JAKMIP2: variants seen among roughly 807,000 people sequenced by gnomAD.
JAKMIP2 encodes janus kinase and microtubule interacting protein 2.
Under a neutral mutation model 115.0 loss-of-function variants are expected in JAKMIP2, and 25 were observed. The observed-to-expected ratio is 0.22, with a 90% CI of 0.16 to 0.30. The LOEUF is 0.30. JAKMIP2 is among the 10% of genes least tolerant of loss of function. The probability of loss-of-function intolerance (pLI) is 1.00; values close to 1 mark genes in which losing one functional copy is unlikely to be tolerated. For synonymous variants in JAKMIP2, 334 were observed against 343.6 expected (o/e 0.97, Z 0.31); for missense variants, 642 against 957.6 (o/e 0.67, Z 4.35).
At chr5:147,642,585 G>T (rs568528527) in intron 7 of JAKMIP2, among the ~76,000 whole-genome samples, 1 of 152,018 alleles carries the variant, frequency 6.6e-6, no homozygotes, top group Non-Finnish European at 1.5e-5. Context: ...TAAAATGTAT[G>T]AGTTATTAGG....
At chr5:147,627,543 G>A (rs72835136) in intron 16 of JAKMIP2, among the ~76,000 whole-genome samples, 1 of 151,928 alleles carries the variant, frequency 6.6e-6, no homozygotes, top group East Asian at 1.9e-4. Context: ...TGCTGGGGAG[G>A]GATCAGAGAA....
At chr5:147,658,463 G>T (rs1309460416) in intron 3 of JAKMIP2, among the ~76,000 whole-genome samples, 1 of 152,166 alleles carries the variant, frequency 6.6e-6, no homozygotes, top group Admixed American at 6.5e-5. Flanking sequence ...CTGCTGGGAG[G>T]TCTCTCCCAG....
chr5:147,617,775 TG>T lies in JAKMIP2; in HGVS notation c.2346+135del, dbSNP rs113325396. On this transcript the variant is annotated intron_variant, in intron 19 of 21. Transcript: ENST00000616793. ...GTATGTGCATGAAGGTAGAAAACAA[TG>T]GTTATTTATTTTACTCTCTGAAAAT... 0.01 allele frequency: 6,856 copies of T among 654,658 alleles called. 411 individuals are homozygous for T. In the East Asian group the frequency reaches 0.14, roughly 14 times the overall value. The allele number at this position is 654,658 out of a possible 1,614,324, so 40.6% of individuals were successfully genotyped here.
In JAKMIP2 at chr5:147,585,443, A is replaced by T. The variant is rs1170756213; in HGVS notation, c.*6264T>A. The T allele has an allele frequency of 3.3e-5, 5 of 152,230 alleles. No homozygotes were observed. The highest frequency in any genetic ancestry group is 7.3e-5 in the Non-Finnish European group (5 of 68,040). 9.4% of individuals were successfully genotyped at this position (152,230 alleles called of 1,614,324 possible). ...ATAAACAATGAAAGATAAAGTTTTT[A>T]AAAAATGCAGCTTGTTTTATTTTTA... On this transcript the variant is annotated 3_prime_UTR_variant, in exon 22 of 22. Coordinates refer to ENST00000616793, the MANE Select transcript of JAKMIP2 (RefSeq NM_001270941.2).
At chr5:147,594,291 G>T (rs1755241182) in intron 21 of JAKMIP2, 1 of 294,828 alleles carries the variant, frequency 3.4e-6, no homozygotes, top group African/African-American at 2.2e-5. Context: ...GTGGAAAACA[G>T]CAATTGCCAC....
intron 21 of JAKMIP2, chr5:147,595,582 A>C (rs1363402570): frequency 6.6e-6 from 3 of 453,982 alleles, no homozygotes; most frequent in Non-Finnish European, 1.3e-5. Flanking sequence ...ACCTAGTCTC[A>C]GGTATTTTGT....
At chr5:147,674,461 T>C (rs1446789234) in intron 1 of JAKMIP2, among the ~76,000 whole-genome samples, 3 of 152,124 alleles carry the variant, frequency 2.0e-5, no homozygotes, top group Non-Finnish European at 4.4e-5. Context: ...AGCAAAAACC[T>C]GAAGCCACAA....
intron 16 of JAKMIP2, among the ~76,000 whole-genome samples, chr5:147,628,007 T>G (rs2126676379): frequency 6.7e-6 from 1 of 149,532 alleles, no homozygotes; most frequent in Admixed American, 6.6e-5. Flanking sequence ...TATTTACTGG[T>G]ACTTTTTTTT....
intron 1 of JAKMIP2, among the ~76,000 whole-genome samples, chr5:147,720,262 C>T (rs1237062114): frequency 1.3e-5 from 2 of 152,028 alleles, no homozygotes; most frequent in African/African-American, 2.4e-5. Context: ...CCCGACCTTT[C>T]TCTCTGGCTG....
chr5:147,782,531 G>T lies in JAKMIP2; in HGVS notation c.-224C>A. 3 of 1,494,360 alleles carry T rather than the reference G, an allele frequency of 2.0e-6. No individual in the cohort carries two copies. Among genetic ancestry groups the T allele is most frequent in the Non-Finnish European group, 2.7e-6 (3 of 1,109,072 alleles). 92.6% of individuals were successfully genotyped at this position (1,494,360 alleles called of 1,614,324 possible). On this transcript the variant is annotated 5_prime_UTR_variant, in exon 1 of 22. Transcript: ENST00000616793. ...ATCCATTTTCCTTGTGACCGAGTCG[G>T]ATGCAGCCTCCGAACCCAACATCAG...
At chr5:147,745,254 C>A (rs191981599) in intron 1 of JAKMIP2, among the ~76,000 whole-genome samples, 72 of 152,222 alleles carry the variant, frequency 4.7e-4, no homozygotes, top group African/African-American at 1.7e-3. Flanking sequence ...AAAATATTAA[C>A]CAGTGCAAGA....
chr5:147,614,082 A>G (rs1047046373), intron 19 of JAKMIP2, among the ~76,000 whole-genome samples: 10 of 152,190 alleles, frequency 6.6e-5, no homozygotes, highest in African/African-American at 2.4e-4. Context: ...CAAGTACTAT[A>G]TGGACAAAAT....
chr5:147,731,665 C>G (rs1753738992), intron 1 of JAKMIP2, among the ~76,000 whole-genome samples: 1 of 152,022 alleles, frequency 6.6e-6, no homozygotes, highest in Non-Finnish European at 1.5e-5. Flanking sequence ...TCATGTTTAC[C>G]CAGGAAGACC....
chr5:147,644,242 C>A, intron 6 of JAKMIP2, 44 bp from the exon 7 acceptor site: 1 of 1,458,966 alleles, frequency 6.9e-7, no homozygotes, highest in Admixed American at 2.2e-5. Context: ...CTTTAAAAAC[C>A]TCAAACTTTG....
At chr5:147,628,426 G>A (rs1159956195) in intron 16 of JAKMIP2, among the ~76,000 whole-genome samples, 2 of 152,110 alleles carry the variant, frequency 1.3e-5, no homozygotes, top group Non-Finnish European at 2.9e-5. Context: ...GTTTATCATC[G>A]CCCCGCAGAA....
At chr5:147,667,515 G>C (rs1158567865) in intron 2 of JAKMIP2, among the ~76,000 whole-genome samples, 1 of 152,168 alleles carries the variant, frequency 6.6e-6, no homozygotes, top group Non-Finnish European at 1.5e-5. Context: ...AAAAGGTTGA[G>C]AGGTTATCAA....
At chr5:147,656,622 G>A (rs1178088696) in intron 3 of JAKMIP2, among the ~76,000 whole-genome samples, 1 of 152,134 alleles carries the variant, frequency 6.6e-6, no homozygotes, top group Admixed American at 6.5e-5. Flanking sequence ...ACGCTGATGG[G>A]TCTTCACTTT....
chr5:147,687,804 C>A (rs946117895), intron 1 of JAKMIP2, among the ~76,000 whole-genome samples: 7 of 152,162 alleles, frequency 4.6e-5, no homozygotes, highest in African/African-American at 1.7e-4. Context: ...ACATGCCAAG[C>A]ACAGTATTTA....
At chr5:147,675,683 C>T (rs1169519525) in intron 1 of JAKMIP2, among the ~76,000 whole-genome samples, 2 of 152,110 alleles carry the variant, frequency 1.3e-5, no homozygotes, top group Non-Finnish European at 2.9e-5. Context: ...GCTCTCTCAG[C>T]CCTAGGCAAC....
Sources: allele counts gnomAD v4.1 joint callset (sites outside exome capture counted in the v4.1 genomes callset), GRCh38; gene constraint gnomAD v4.1.1; transcripts MANE v1.5; gene names NCBI Gene and HGNC (gene_info 2026-07-23, HGNC 2026-07-21).